LSAMP: variants seen among roughly 807,000 people sequenced by gnomAD.
LSAMP encodes the protein limbic system associated membrane protein.
A neutral mutation model predicts 38.6 loss-of-function variants in LSAMP; 7 were observed. The observed-to-expected ratio is 0.18, with a 90% CI of 0.10 to 0.34. LSAMP has a LOEUF of 0.34. Among genes scored for constraint, LSAMP ranks in the 10% least tolerant of loss-of-function variants. The pLI, the probability that LSAMP is intolerant of heterozygous loss-of-function variation, is 1.00. For missense variants in LSAMP, 313 were observed against 420.0 expected (o/e 0.75, Z 2.23); for synonymous variants, 154 against 166.8 (o/e 0.92, Z 0.59).
intron 1 of LSAMP, among the ~76,000 whole-genome samples, chr3:116,389,600 T>C (rs2048666791): frequency 6.6e-6 from 1 of 152,154 alleles, no homozygotes; most frequent in South Asian, 2.1e-4. Context: ...GATTTACTAA[T>C]GCACGGCAGG....
At chr3:116,418,365 TC>T (rs2049078196) in intron 1 of LSAMP, among the ~76,000 whole-genome samples, 1 of 152,150 alleles carries the variant, frequency 6.6e-6, no homozygotes, top group Non-Finnish European at 1.5e-5. Flanking sequence ...CCAAAAATGC[TC>T]CCCTTGCTTA....
intron 1 of LSAMP, among the ~76,000 whole-genome samples, chr3:116,282,213 G>A (rs1425998294): frequency 6.6e-6 from 1 of 152,166 alleles, no homozygotes. Context: ...CAGAGGAAAG[G>A]GGATAGCAGT....
chr3:116,289,246 C>A (rs1261142823), intron 1 of LSAMP, among the ~76,000 whole-genome samples: 3 of 152,178 alleles, frequency 2.0e-5, no homozygotes, highest in Admixed American at 2.0e-4. Context: ...AAGGTAGGGA[C>A]TTTCATTGTC....
intron 2 of LSAMP, among the ~76,000 whole-genome samples, chr3:116,083,548 T>C (rs1235536242): frequency 6.6e-6 from 1 of 152,260 alleles, no homozygotes; most frequent in East Asian, 1.9e-4. Context: ...TCTTTGGTGA[T>C]ATCTCATAGC....
intron 1 of LSAMP, among the ~76,000 whole-genome samples, chr3:116,429,763 G>T (rs2049255873): frequency 6.6e-6 from 1 of 152,148 alleles, no homozygotes; most frequent in African/African-American, 2.4e-5. Flanking sequence ...AGGCCTTGGA[G>T]TAGGAAGACA....
chr3:116,351,414 A>C lies in LSAMP; in HGVS notation c.155+93463T>G, dbSNP rs1385384358. Among the ~76,000 whole-genome samples the C allele has an allele frequency of 4.6e-5, 7 of 152,096 alleles. No homozygotes were observed. The East Asian group carries it at 1.3e-3, about 29-fold the overall frequency. ...CTGAGTAACGGAGAAGTAGCTTTGG[A>C]ACCTGACAGGGGAATGGCAGGAGAG... On this transcript the variant is annotated intron_variant, in intron 1 of 6. Coordinates refer to ENST00000490035, the MANE Select transcript of LSAMP (RefSeq NM_002338.5).
At chr3:115,924,572 C>A (rs1010841094) in intron 3 of LSAMP, among the ~76,000 whole-genome samples, 2 of 152,068 alleles carry the variant, frequency 1.3e-5, no homozygotes, top group African/African-American at 2.4e-5. Context: ...GAAGACATTG[C>A]CTCATTATAT....
intron 6 of LSAMP, among the ~76,000 whole-genome samples, chr3:115,813,036 C>T (rs1933889452): frequency 6.6e-6 from 1 of 151,950 alleles, no homozygotes; most frequent in African/African-American, 2.4e-5. Context: ...CTTATATATG[C>T]AAATGATATA....
intron 6 of LSAMP, among the ~76,000 whole-genome samples, chr3:115,815,453 A>G (rs371161232): frequency 1.3e-5 from 2 of 152,124 alleles, no homozygotes; most frequent in Non-Finnish European, 2.9e-5. Context: ...TTTCTTTAGC[A>G]CTTTATGCAT....
intron 2 of LSAMP, among the ~76,000 whole-genome samples, chr3:116,046,145 A>C (rs1941283659): frequency 6.6e-6 from 1 of 152,232 alleles, no homozygotes; most frequent in Non-Finnish European, 1.5e-5. Context: ...AAACTCAGTC[A>C]ACATAGCATT....
At chr3:116,211,512 G>T (rs1175601190) in intron 1 of LSAMP, among the ~76,000 whole-genome samples, 1 of 152,102 alleles carries the variant, frequency 6.6e-6, no homozygotes, top group Admixed American at 6.5e-5. Context: ...CAATAACCAA[G>T]ACTCTATTAA....
chr3:116,092,495 T>C (rs147874883), intron 1 of LSAMP, among the ~76,000 whole-genome samples: 1 of 152,178 alleles, frequency 6.6e-6, no homozygotes, highest in Non-Finnish European at 1.5e-5. Flanking sequence ...CTACTGGAAC[T>C]GCAAATCTAT....
intron 1 of LSAMP, among the ~76,000 whole-genome samples, chr3:116,366,144 G>C (rs1297848603): frequency 6.7e-6 from 1 of 148,278 alleles, no homozygotes; most frequent in Non-Finnish European, 1.5e-5. Flanking sequence ...CTAATATCCA[G>C]AGTCTATAAG....
intron 3 of LSAMP, among the ~76,000 whole-genome samples, chr3:115,870,204 G>A (rs1371861961): frequency 1.3e-5 from 2 of 152,022 alleles, no homozygotes; most frequent in South Asian, 2.1e-4. Flanking sequence ...GGCCCACAAA[G>A]CTTAACATAT....
At chr3:116,127,318 C>A (rs1709029677) in intron 1 of LSAMP, among the ~76,000 whole-genome samples, 2 of 152,126 alleles carry the variant, frequency 1.3e-5, no homozygotes, top group Non-Finnish European at 2.9e-5. Context: ...CCAAGTGACA[C>A]ATACATGTCT....
chr3:116,110,738 G>A (rs1159084343), intron 1 of LSAMP, among the ~76,000 whole-genome samples: 3 of 152,160 alleles, frequency 2.0e-5, no homozygotes, highest in South Asian at 4.1e-4. Context: ...GGAGCAAAGA[G>A]CAGGAGAACA....
At chr3:116,246,464 T>C (rs2046606993) in intron 1 of LSAMP, among the ~76,000 whole-genome samples, 2 of 152,202 alleles carry the variant, frequency 1.3e-5, no homozygotes. Flanking sequence ...CTCCTACCTT[T>C]TTTTGCAGTA....
chr3:116,428,076 T>C (rs2049227883), intron 1 of LSAMP, among the ~76,000 whole-genome samples: 1 of 152,238 alleles, frequency 6.6e-6, no homozygotes, highest in Admixed American at 6.5e-5. Flanking sequence ...ATTTACGCTC[T>C]ACTTTATTTA....
intron 3 of LSAMP, among the ~76,000 whole-genome samples, chr3:115,857,176 A>G (rs932263977): frequency 1.3e-5 from 2 of 152,212 alleles, no homozygotes; most frequent in African/African-American, 2.4e-5. Flanking sequence ...GCACGATACA[A>G]TCTTAGCAAG....
Sources: gnomAD v4.1 joint callset for allele counts (sites outside exome capture counted in the v4.1 genomes callset) on GRCh38, gnomAD v4.1.1 for gene constraint, MANE v1.5 for transcripts, NCBI Gene and HGNC (gene_info 2026-07-23, HGNC 2026-07-21) for gene names.